Variants in MIDN observed in about 807,000 individuals in gnomAD.
MIDN encodes midnolin.
Under a neutral mutation model 46.1 loss-of-function variants are expected in MIDN, and 26 were observed. That is an observed-to-expected ratio of 0.56 (90% CI 0.41 to 0.78). MIDN has a LOEUF of 0.78. Ranked by LOEUF, MIDN falls within the 30% of genes least tolerant of loss-of-function variation. The probability of loss-of-function intolerance (pLI) is 0.00; values close to 1 mark genes in which losing one functional copy is unlikely to be tolerated. For missense variants in MIDN, 850 were observed against 771.8 expected, an observed-to-expected ratio of 1.10 and a Z score of -1.20; for synonymous variants, 432 against 343.3, an observed-to-expected ratio of 1.26 and a Z score of -2.86.
rs1174784251 is a variant in MIDN at position 1,257,331 on chromosome 19, G to C, written c.*59G>C. 2.1e-6 allele frequency: 3 copies of C among 1,452,136 alleles called. No homozygotes were observed. The highest frequency in any genetic ancestry group is 1.4e-5 in the African/African-American group (1 of 70,706). 90.0% of individuals were successfully genotyped at this position (1,452,136 alleles called of 1,614,324 possible). On this transcript the variant is annotated 3_prime_UTR_variant, in exon 9 of 9. Transcript: ENST00000682408. ...CCCAGCCCAGGGCGGCGGGGACTCC[G>C]AGAGCCCCGGAGAGAACGTGGCCCA...
In MIDN at chr19:1,251,623, G is replaced by T; in HGVS notation, c.295G>T (p.Val99Leu). Residue 99 changes from valine (V) to leucine (L), a missense_variant, in exon 3 of 9, where the codon GTA (valine) becomes TTA (leucine). Transcript: ENST00000682408. ...GGGTGATGGCAGCAAGCTGACCTTG[G>T]TACCCACCGTGGAAGCGGGCCTCAT... ...GVGDGSKLTL[V>L]PTVEAGLMSQ... The T allele has an allele frequency of 6.2e-7, 1 of 1,609,792 alleles. No individual in the cohort carries two copies. Among genetic ancestry groups the T allele is most frequent in the Non-Finnish European group, 8.5e-7 (1 of 1,178,612 alleles).
intron 1 of MIDN, among the ~76,000 whole-genome samples, chr19:1,249,041 G>A (rs1472073404): frequency 6.6e-6 from 1 of 151,492 alleles, no homozygotes; most frequent in Admixed American, 6.6e-5. Context: ...CCCCCTCCCC[G>A]GGACTCCGGG....
At chr19:1,251,181 T>G (rs367966348) in intron 2 of MIDN, 1 of 179,706 alleles carries the variant, frequency 5.6e-6, no homozygotes, top group African/African-American at 2.4e-5. Context: ...CCGAAACCCG[T>G]GGTTCCTACA....
In MIDN at chr19:1,257,164, G is replaced by GGGC. The variant is rs762952274; in HGVS notation, c.1435_1437dup (p.Gly479dup). ...GCCGCAGCGACAGCAGTAGCAGCGGGGGCGGCGGCAGCCCCAGCGAGGCCT... is the reference window on the plus strand; with the variant it reads ...GCCGCAGCGACAGCAGTAGCAGCGGGGGCGGCGGCGGCAGCCCCAGCGAGGCCT... On this transcript the variant is annotated inframe_insertion, in exon 9 of 9. Coordinates refer to ENST00000682408, the MANE Select transcript of MIDN (RefSeq NM_001388306.1). 5 of 1,611,608 alleles carry GGGC rather than the reference G, an allele frequency of 3.1e-6. No homozygotes were observed. The South Asian group carries it at 5.5e-5, about 18-fold the overall frequency.
intron 6 of MIDN, 122 bp downstream of exon 6, chr19:1,254,600 CCTGTGACCTCG>C: frequency 9.3e-7 from 1 of 1,075,798 alleles, no homozygotes; most frequent in East Asian, 2.6e-5. Flanking sequence ...TAAGGGCTAT[CCTGTGACCTCG>C]GGCTGGTGGG....
At chr19:1,249,312 C>G (rs1410169436) in intron 1 of MIDN, among the ~76,000 whole-genome samples, 1 of 150,312 alleles carries the variant, frequency 6.7e-6, no homozygotes, top group East Asian at 1.9e-4. Flanking sequence ...CCCGGGGCCG[C>G]GGCCCTAGCC....
chr19:1,252,694 C>A (rs1481433842), intron 4 of MIDN, among the ~76,000 whole-genome samples: 1 of 152,202 alleles, frequency 6.6e-6, no homozygotes, highest in Non-Finnish European at 1.5e-5. Flanking sequence ...GCCACCCGCC[C>A]CAGCAAGGGG....
Position 1,257,473 on chromosome 19 carries a change from G to T in MIDN, c.*201G>T. On this transcript the variant is annotated 3_prime_UTR_variant, in exon 9 of 9. Transcript: ENST00000682408. ...ACCGTGGTTTCCTGGACTCTTCATG[G>T]GCTTTGCTTCCTACCTCCTTCACCC... 1 of 541,646 alleles carries T rather than the reference G, an allele frequency of 1.8e-6. No homozygotes were observed. The highest frequency in any genetic ancestry group is 3.2e-6 in the Non-Finnish European group (1 of 308,500). 33.6% of individuals were successfully genotyped at this position (541,646 alleles called of 1,614,324 possible). A position where few individuals can be genotyped will look rare whatever the true frequency, so the allele number is the denominator to read the frequency against.
At chr19:1,252,285 T>C (rs578117372) in intron 4 of MIDN, among the ~76,000 whole-genome samples, 101 of 152,290 alleles carry the variant, frequency 6.6e-4, no homozygotes, top group Middle Eastern at 6.8e-3. Flanking sequence ...TCTCCTTTTT[T>C]ACATTTCTGC....
chr19:1,256,259 G>T (rs757820236), intron 8 of MIDN, among the ~76,000 whole-genome samples: 1 of 152,210 alleles, frequency 6.6e-6, no homozygotes, highest in African/African-American at 2.4e-5. Flanking sequence ...CGACGCGGGC[G>T]GATCACGAGG....
chr19:1,256,709 C>T (rs1396357096), intron 8 of MIDN, among the ~76,000 whole-genome samples: 2 of 152,142 alleles, frequency 1.3e-5, no homozygotes. Context: ...GGAGGGGTCT[C>T]GCTCTGTGGC....
In MIDN at chr19:1,257,021, C is replaced by T. The variant is rs777006467; in HGVS notation, c.1285C>T (p.Arg429Cys). 48 of 1,611,310 alleles carry T rather than the reference C, an allele frequency of 3.0e-5. No homozygotes were observed. The highest frequency in any genetic ancestry group is 5.5e-5 in the South Asian group (5 of 91,084). ...GGACCGGCTTCGGCAGACAGAAAACCGCGCCACGCGCTGCAAGGTGGAACG... is the reference window on the plus strand; with the variant it reads ...GGACCGGCTTCGGCAGACAGAAAACTGCGCCACGCGCTGCAAGGTGGAACG... ...PGDRLRQTEN[R>C]ATRCKVERLQ... Residue 429 changes from arginine to cysteine, a missense_variant, in exon 9 of 9, where the codon CGC (arginine) becomes TGC (cysteine). Physicochemically the swap from Arg to Cys is radical, Grantham distance 180. Coordinates refer to ENST00000682408, the MANE Select transcript of MIDN (RefSeq NM_001388306.1).
chr19:1,252,973 C>T (rs1413152495), intron 4 of MIDN, among the ~76,000 whole-genome samples: 5 of 150,730 alleles, frequency 3.3e-5, no homozygotes, highest in African/African-American at 9.8e-5. Context: ...TGGCAGGGGG[C>T]CCAGGGCGTG....
intron 7 of MIDN, 130 bp downstream of exon 7, chr19:1,255,191 A>C: frequency 1.6e-6 from 2 of 1,226,712 alleles, no homozygotes; most frequent in South Asian, 1.5e-5. Context: ...CTCACTTCAC[A>C]TGTCCCCCAG....
In MIDN at chr19:1,253,938, G is replaced by C. The variant is rs1192593846; in HGVS notation, c.385-16G>C. The C allele has an allele frequency of 2.2e-6, 3 of 1,380,276 alleles. No individual in the cohort carries two copies. The highest frequency in any genetic ancestry group is 2.8e-6 in the Non-Finnish European group (3 of 1,074,302). The allele number at this position is 1,380,276 out of a possible 1,614,324, so 85.5% of individuals were successfully genotyped here. A position where few individuals can be genotyped will look rare whatever the true frequency, so the allele number is the denominator to read the frequency against. ...GGAGGGGCAGGCCCCCGTCTGACCCGCCTCTGTCCCCACAGCCCCCAGCGG... is the reference window on the plus strand; with the variant it reads ...GGAGGGGCAGGCCCCCGTCTGACCCCCCTCTGTCCCCACAGCCCCCAGCGG... On this transcript the variant is annotated splice_polypyrimidine_tract_variant and intron_variant, in intron 4 of 8. Transcript: ENST00000682408.
rs1290714917 is a variant in MIDN, at chr19:1,258,383, CCGCTGCTGGTCTAA to C, written c.*1112_*1125del. The stretch of plus-strand genomic sequence containing the variant: ...GTAGCATTAACCCCCGTGGCGGGGT[CCGCTGCTGGTCTAA>C]TTTGGACCCCCTGCCTCTCAGTGCC... On this transcript the variant is annotated 3_prime_UTR_variant, in exon 9 of 9. Transcript: ENST00000682408. 2.0e-5 allele frequency: 3 copies of C among 152,560 alleles called. No homozygotes were observed. The highest frequency in any genetic ancestry group is 7.2e-5 in the African/African-American group (3 of 41,432). 9.5% of individuals were successfully genotyped at this position (152,560 alleles called of 1,614,324 possible). A position where few individuals can be genotyped will look rare whatever the true frequency, so the allele number is the denominator to read the frequency against.
At position 1,253,995 on chromosome 19, in the gene MIDN, C is replaced by T. The variant is rs2081165657; in HGVS notation, c.426C>T (p.Gly142=). Residue 142 remains glycine (G), a synonymous_variant, in exon 5 of 9, where the codon GGC becomes GGT. Coordinates refer to ENST00000682408, the MANE Select transcript of MIDN (RefSeq NM_001388306.1). ...APGPGRAGGG[G]FRKYRFILFK... ...GGCCGGGCCGGGCTGGCGGAGGAGGCTTCCGGAAATACAGATTCATTTTAT... is the reference window on the plus strand; with the variant it reads ...GGCCGGGCCGGGCTGGCGGAGGAGGTTTCCGGAAATACAGATTCATTTTAT... The T allele has an allele frequency of 7.9e-6, 11 of 1,398,244 alleles. No individual in the cohort carries two copies. The highest frequency in any genetic ancestry group is 1.0e-5 in the Non-Finnish European group (11 of 1,084,362). 86.6% of individuals were successfully genotyped at this position (1,398,244 alleles called of 1,614,324 possible).
At chr19:1,256,922 T>TG (rs2145499179) in intron 8 of MIDN, 73 bp from the exon 9 acceptor site, 1 of 1,576,772 alleles carries the variant, frequency 6.3e-7, no homozygotes, top group South Asian at 1.1e-5. Context: ...GGGCATTTGC[T>TG]GGGGTCTGGG....
At chr19:1,252,011 G>C in intron 4 of MIDN, 110 bp downstream of exon 4, 1 of 919,030 alleles carries the variant, frequency 1.1e-6, no homozygotes, top group Admixed American at 2.2e-5. Context: ...GGGGAGGGGA[G>C]GGGACGCGCC....
Sources: allele counts gnomAD v4.1 joint callset (sites outside exome capture counted in the v4.1 genomes callset), GRCh38; gene constraint gnomAD v4.1.1; transcripts MANE v1.5; gene names NCBI Gene and HGNC (gene_info 2026-07-23, HGNC 2026-07-21).